TPST1: variants seen among roughly 807,000 people sequenced by gnomAD.
TPST1 encodes the protein tyrosylprotein sulfotransferase 1, also known as protein-tyrosine sulfotransferase 1.
Under a neutral mutation model 34.8 loss-of-function variants are expected in TPST1, and 20 were observed. That is an observed-to-expected ratio of 0.57 (90% CI 0.40 to 0.84). The LOEUF (loss-of-function observed/expected upper bound fraction) is 0.84. Among genes scored for constraint, TPST1 ranks in the 40% least tolerant of loss-of-function variants. The probability of loss-of-function intolerance (pLI) is 0.00; values close to 1 mark genes in which losing one functional copy is unlikely to be tolerated. For missense variants in TPST1, 353 were observed against 455.5 expected (o/e 0.78, Z 2.05); for synonymous variants, 152 against 159.4 (o/e 0.95, Z 0.35).
At chr7:66,242,648 G>A (rs182312950) in intron 2 of TPST1, among the ~76,000 whole-genome samples, 1 of 152,020 alleles carries the variant, frequency 6.6e-6, no homozygotes. Context: ...CCTGTATTAG[G>A]TATTTCAGTC....
intron 2 of TPST1, among the ~76,000 whole-genome samples, chr7:66,259,476 CT>C (rs1308951548): frequency 5.3e-5 from 8 of 151,518 alleles, no homozygotes; most frequent in Middle Eastern, 3.4e-3. Context: ...AAATTGTGTA[CT>C]TTTTTTTTCC....
intron 3 of TPST1, among the ~76,000 whole-genome samples, chr7:66,304,779 T>A (rs1251184261): frequency 1.3e-5 from 2 of 152,042 alleles, no homozygotes; most frequent in Non-Finnish European, 2.9e-5. Context: ...CTCTTTGATA[T>A]CCTAAAACTT....
Position 66,241,067 on chromosome 7 carries a change from G to A in TPST1, c.642G>A (p.Lys214=). ...DLNSYRDCLT[K]WNRAIETMYN... Reference sequence around the variant, plus strand: ...ACAGCTATAGGGACTGTTTGACAAAGTGGAATCGTGCTATAGAGACCATGT... The same window carrying A: ...ACAGCTATAGGGACTGTTTGACAAAATGGAATCGTGCTATAGAGACCATGT... The change falls in exon 2 of 6, where the codon AAG becomes AAA. Residue 214 remains lysine (K), a synonymous_variant. Transcript: ENST00000304842. The A allele has an allele frequency of 1.9e-6, 3 of 1,614,226 alleles. No individual in the cohort carries two copies. Among genetic ancestry groups the A allele is most frequent in the Non-Finnish European group, 2.5e-6 (3 of 1,180,032 alleles).
intron 3 of TPST1, among the ~76,000 whole-genome samples, chr7:66,341,766 C>T (rs536901798): frequency 2.3e-4 from 35 of 152,128 alleles, no homozygotes; most frequent in Admixed American, 1.9e-3. Context: ...AAATGTACCT[C>T]GGAGATAACA....
intron 2 of TPST1, among the ~76,000 whole-genome samples, chr7:66,257,981 T>C (rs1175661896): frequency 6.6e-6 from 1 of 152,222 alleles, no homozygotes; most frequent in Non-Finnish European, 1.5e-5. Context: ...CTAATATTTA[T>C]TTAACTTTGA....
intron 3 of TPST1, among the ~76,000 whole-genome samples, chr7:66,301,791 A>G (rs1376156789): frequency 2.0e-5 from 3 of 152,196 alleles, no homozygotes; most frequent in African/African-American, 4.8e-5. Flanking sequence ...AACATCAAAG[A>G]TCTCTGATCG....
intron 3 of TPST1, among the ~76,000 whole-genome samples, chr7:66,350,481 A>G (rs1015962517): frequency 2.0e-5 from 3 of 151,918 alleles, no homozygotes; most frequent in African/African-American, 2.4e-5. Flanking sequence ...TACCTTATCT[A>G]TAAGCCTTGT....
chr7:66,256,547 G>A (rs1310140513), intron 2 of TPST1, among the ~76,000 whole-genome samples: 1 of 152,158 alleles, frequency 6.6e-6, no homozygotes, highest in Admixed American at 6.5e-5. Context: ...CTTGCTGTGT[G>A]TTTCTGTATA....
intron 1 of TPST1, among the ~76,000 whole-genome samples, chr7:66,225,607 C>CAATA (rs745992151): frequency 1.3e-5 from 2 of 150,214 alleles, no homozygotes; most frequent in South Asian, 4.2e-4. Context: ...GACTCAGTCT[C>CAATA]AATAAATAAA....
At chr7:66,330,054 C>CTA (rs1360010042) in intron 3 of TPST1, among the ~76,000 whole-genome samples, 4 of 152,170 alleles carry the variant, frequency 2.6e-5, no homozygotes, top group African/African-American at 9.7e-5. Flanking sequence ...GCATCACACA[C>CTA]TATACCCCTG....
intron 3 of TPST1, among the ~76,000 whole-genome samples, chr7:66,320,557 C>G (rs190189969): frequency 7.1e-6 from 1 of 139,948 alleles, no homozygotes; most frequent in Admixed American, 7.3e-5. Context: ...TGGTTTCTTT[C>G]TTTTTAACAT....
chr7:66,296,013 T>G (rs1404110616), intron 3 of TPST1, among the ~76,000 whole-genome samples: 3 of 151,996 alleles, frequency 2.0e-5, no homozygotes, highest in African/African-American at 7.3e-5. Context: ...AGTGAAAGGG[T>G]TTTTTATTAC....
intron 4 of TPST1, among the ~76,000 whole-genome samples, chr7:66,353,887 AG>A (rs1382229209): frequency 6.6e-6 from 1 of 152,214 alleles, no homozygotes; most frequent in Non-Finnish European, 1.5e-5. Flanking sequence ...GCCCTCTCTG[AG>A]GGAAGCCATG....
At position 66,284,409 on chromosome 7, in the gene TPST1, A is replaced by G. The variant is rs78165714; in HGVS notation, c.846-2102A>G. Among the ~76,000 whole-genome samples the G allele has an allele frequency of 1.1e-3, 170 of 152,188 alleles. 2 individuals are homozygous for G. Among genetic ancestry groups the G allele is most frequent in the African/African-American group, 3.8e-3 (156 of 41,550 alleles). On this transcript the variant is annotated intron_variant, in intron 2 of 5. Transcript: ENST00000304842. ...TCAAACAAAACAAAGCAACAATATC[A>G]AAAACCCACATGCTTTTTCTTCATA...
chr7:66,275,852 G>A (rs1790798614), intron 2 of TPST1, among the ~76,000 whole-genome samples: 1 of 152,110 alleles, frequency 6.6e-6, no homozygotes, highest in East Asian at 1.9e-4. Context: ...GAAAATTGCT[G>A]AGACTAGATT....
chr7:66,338,569 T>C (rs1255533866), intron 3 of TPST1, among the ~76,000 whole-genome samples: 2 of 152,194 alleles, frequency 1.3e-5, no homozygotes, highest in Non-Finnish European at 2.9e-5. Context: ...GGATTGATCA[T>C]ACATTAGGTC....
intron 2 of TPST1, among the ~76,000 whole-genome samples, chr7:66,259,718 A>G (rs762475633): frequency 6.6e-6 from 1 of 152,156 alleles, no homozygotes; most frequent in Non-Finnish European, 1.5e-5. Context: ...TCAGTATCCT[A>G]CTGGTATATT....
At chr7:66,352,164 G>A (rs1469269504) in intron 3 of TPST1, among the ~76,000 whole-genome samples, 1 of 152,186 alleles carries the variant, frequency 6.6e-6, no homozygotes, top group Non-Finnish European at 1.5e-5. Flanking sequence ...GTTCTGTGTT[G>A]GTTGCTTGAG....
rs189016286 is a variant in TPST1, at chr7:66,250,690, C to T, written c.845+9420C>T. ...CTATGTTTTTTCCTGTGCATATATA[C>T]CTGTGGTTAATTTATAAATCAAGCA... On this transcript the variant is annotated intron_variant, in intron 2 of 5. Transcript: ENST00000304842. Among the ~76,000 whole-genome samples, 168 of 152,260 alleles carry T rather than the reference C, an allele frequency of 1.1e-3. 1 individual carries two copies. The highest frequency in any genetic ancestry group is 3.9e-3 in the African/African-American group (160 of 41,546).
Sources: gnomAD v4.1 joint callset for allele counts (sites outside exome capture counted in the v4.1 genomes callset) on GRCh38, gnomAD v4.1.1 for gene constraint, MANE v1.5 for transcripts, NCBI Gene and HGNC (gene_info 2026-07-23, HGNC 2026-07-21) for gene names.